Variants in TMEM109 observed in about 807,000 individuals in gnomAD.
TMEM109 encodes the protein voltage-gated monoatomic cation channel TMEM109.
In TMEM109, 19 loss-of-function variants were observed where a neutral mutation model predicts 26.4. That is an observed-to-expected ratio of 0.72 (90% confidence interval 0.50 to 1.06). The LOEUF (loss-of-function observed/expected upper bound fraction) is 1.06. Ranked by LOEUF, TMEM109 falls within the 50% of genes least tolerant of loss-of-function variation. TMEM109 has a pLI of 0.00. For missense variants in TMEM109, 262 were observed against 303.4 expected (o/e 0.86, Z 1.01); for synonymous variants, 129 against 142.0 (o/e 0.91, Z 0.65).
intron 1 of TMEM109, among the ~76,000 whole-genome samples, chr11:60,915,534 G>A (rs1387644580): frequency 1.3e-5 from 2 of 152,214 alleles, no homozygotes; most frequent in Non-Finnish European, 2.9e-5. Flanking sequence ...AGCCCTGGGT[G>A]GGGCAGACGT....
At position 60,919,919 on chromosome 11, in the gene TMEM109, C is replaced by G. The variant is rs761153217; in HGVS notation, c.226C>G (p.Leu76Val). The G allele has an allele frequency of 6.2e-7, 1 of 1,613,944 alleles. No individual in the cohort carries two copies. Among genetic ancestry groups the G allele is most frequent in the Non-Finnish European group, 8.5e-7 (1 of 1,179,816 alleles). The part of the protein sequence containing the change: ...DAWIGPETMH[L>V]VSESSSQVLW... The stretch of plus-strand genomic sequence containing the variant: ...CTGGATTGGGCCAGAGACCATGCAC[C>G]TGGTGTCAGAGGTAAGGAAGGTAGT... The change falls in exon 2 of 4, where the codon CTG becomes GTG. Residue 76 changes from leucine (L) to valine (V), a missense_variant. By Grantham distance (32) the Leu-to-Val change is conservative. Transcript: ENST00000227525.
rs537647180 is a variant in TMEM109, at chr11:60,919,850, G to T, written c.157G>T (p.Val53Phe). ...GQQKREAPVD[V>F]LTQIGRSVRG... ...ACAGAAGAGAGAAGCCCCAGTTGAT[G>T]TCTTGACCCAGATAGGTCGATCTGT... Residue 53 changes from valine to phenylalanine, a missense_variant, in exon 2 of 4, where the codon GTC (valine) becomes TTC (phenylalanine). Val to Phe is a conservative substitution (Grantham distance 50, BLOSUM62 -1). Coordinates refer to ENST00000227525, the MANE Select transcript of TMEM109 (RefSeq NM_024092.3). 1.1e-5 allele frequency: 18 copies of T among 1,614,222 alleles called. No individual in the cohort carries two copies. The South Asian group carries it at 1.9e-4, about 17-fold the overall frequency.
At chr11:60,917,839 T>C (rs941676285) in intron 1 of TMEM109, among the ~76,000 whole-genome samples, 1 of 151,794 alleles carries the variant, frequency 6.6e-6, no homozygotes, top group Non-Finnish European at 1.5e-5. Context: ...TATTTATATT[T>C]ATTTTGTAGA....
chr11:60,921,164 C>T (rs138815593), intron 3 of TMEM109, among the ~76,000 whole-genome samples, 176 bp downstream of exon 3: 43 of 152,320 alleles, frequency 2.8e-4, no homozygotes, highest in African/African-American at 9.6e-4. Flanking sequence ...TGTGGTGGCT[C>T]CCGCCTGTAA....
intron 1 of TMEM109, among the ~76,000 whole-genome samples, chr11:60,915,267 A>G (rs572597487): frequency 1.3e-5 from 2 of 152,158 alleles, no homozygotes; most frequent in East Asian, 3.9e-4. Flanking sequence ...CCTTACAGCA[A>G]CTCTTCACCT....
At position 60,922,653 on chromosome 11, in the gene TMEM109, C is replaced by A. The variant is rs1044765; in HGVS notation, c.*488C>A. The A allele has an allele frequency of 0.021, 6,874 of 331,956 alleles. 369 individuals are homozygous for A. Among genetic ancestry groups the A allele is most frequent in the African/African-American group, 0.13 (5,874 of 46,504 alleles). 20.6% of individuals were successfully genotyped at this position (331,956 alleles called of 1,614,324 possible). A position where few individuals can be genotyped will look rare whatever the true frequency, so the allele number is the denominator to read the frequency against. ...CCCACCAAACCATGGTCCTTTAAGG[C>A]ACGCTCCTGTCCTCCTCATTGCCCA... On this transcript the variant is annotated 3_prime_UTR_variant, in exon 4 of 4. Coordinates refer to ENST00000227525, the MANE Select transcript of TMEM109 (RefSeq NM_024092.3).
rs897863515 is a variant in TMEM109, at chr11:60,920,884, A to G, written c.238-2A>G. 2 of 1,613,680 alleles carry G rather than the reference A, an allele frequency of 1.2e-6. No individual in the cohort carries two copies. The highest frequency in any genetic ancestry group is 1.7e-6 in the Non-Finnish European group (2 of 1,179,616). On this transcript the variant is annotated splice_acceptor_variant, in intron 2 of 3. Coordinates refer to ENST00000227525, the MANE Select transcript of TMEM109 (RefSeq NM_024092.3). LOFTEE classifies it high-confidence loss of function. The stretch of plus-strand genomic sequence containing the variant: ...TCATCTCGCTCCGTGCTCTTTCCAC[A>G]GTCTTCGTCCCAAGTGTTGTGGGCC...
At position 60,919,833 on chromosome 11, in the gene TMEM109, G is replaced by C; in HGVS notation, c.140G>C (p.Arg47Thr). The change falls in exon 2 of 4, where the codon AGA becomes ACA. Residue 47 changes from arginine (R) to threonine (T), a missense_variant. Arg to Thr is a moderately conservative substitution (Grantham distance 71). Transcript: ENST00000227525. ...TTTGCACCACCAGGCCAACAGAAGA[G>C]AGAAGCCCCAGTTGATGTCTTGACC... The part of the protein sequence containing the change: ...RDFAPPGQQK[R>T]EAPVDVLTQI... The C allele has an allele frequency of 1.2e-6, 2 of 1,614,232 alleles. No individual in the cohort carries two copies. The highest frequency in any genetic ancestry group is 1.7e-6 in the Non-Finnish European group (2 of 1,180,034).
Position 60,922,642 on chromosome 11 carries a change from G to C in TMEM109, c.*477G>C, listed in dbSNP as rs960244439. On this transcript the variant is annotated 3_prime_UTR_variant, in exon 4 of 4. Transcript: ENST00000227525. ...TACCCTGTACTCCCACCAAACCATG[G>C]TCCTTTAAGGCACGCTCCTGTCCTC... The C allele has an allele frequency of 3.0e-6, 1 of 334,094 alleles. No homozygotes were observed. The highest frequency in any genetic ancestry group is 5.9e-6 in the Non-Finnish European group (1 of 168,368). The allele number at this position is 334,094 out of a possible 1,614,324, so 20.7% of individuals were successfully genotyped here.
intron 1 of TMEM109, chr11:60,918,947 AG>A (rs1856202650): frequency 6.6e-6 from 1 of 152,442 alleles, no homozygotes; most frequent in Non-Finnish European, 1.5e-5. Flanking sequence ...GGAAGCTTCC[AG>A]GTGATTCCAG....
At chr11:60,919,587 G>T in intron 1 of TMEM109, 99 bp from the exon 2 acceptor site, 2 of 1,002,570 alleles carry the variant, frequency 2.0e-6, no homozygotes. Flanking sequence ...TTTGGTGCTT[G>T]CTTGGGGTAG....
chr11:60,919,145 A>T (rs898939723), intron 1 of TMEM109: 1 of 159,654 alleles, frequency 6.3e-6, no homozygotes, highest in East Asian at 1.8e-4. Context: ...GCCACCTCAC[A>T]TGATGGTCCT....
At chr11:60,919,490 C>A (rs1211226660) in intron 1 of TMEM109, among the ~76,000 whole-genome samples, 196 bp from the exon 2 acceptor site, 2 of 152,190 alleles carry the variant, frequency 1.3e-5, no homozygotes, top group East Asian at 1.9e-4. Flanking sequence ...GAAAGAGGAA[C>A]CTGTGAGTCA....
intron 1 of TMEM109, among the ~76,000 whole-genome samples, chr11:60,917,682 G>A (rs1288260356): frequency 5.9e-5 from 9 of 151,512 alleles, no homozygotes; most frequent in South Asian, 2.1e-4. Flanking sequence ...TTTTTTAAGC[G>A]TCTTGCTCTC....
intron 2 of TMEM109, 78 bp from the exon 3 acceptor site, chr11:60,920,808 C>T: frequency 7.9e-7 from 1 of 1,261,128 alleles, no homozygotes; most frequent in South Asian, 1.2e-5. Flanking sequence ...CAGTTCTTGC[C>T]TGGACAGTGG....
At chr11:60,921,717 G>C (rs547201895) in intron 3 of TMEM109, 57 bp from the exon 4 acceptor site, 1 of 1,415,220 alleles carries the variant, frequency 7.1e-7, no homozygotes, top group Non-Finnish European at 9.8e-7. Flanking sequence ...CTCTTGCCCC[G>C]CTCTCCCCTC....
At chr11:60,915,219 T>G (rs1856160527) in intron 1 of TMEM109, among the ~76,000 whole-genome samples, 1 of 152,236 alleles carries the variant, frequency 6.6e-6, no homozygotes. Flanking sequence ...CTATAGATGT[T>G]TAGTTTACAA....
intron 3 of TMEM109, 141 bp downstream of exon 3, chr11:60,921,129 C>T: frequency 1.4e-6 from 1 of 725,770 alleles, no homozygotes; most frequent in South Asian, 1.7e-5. Context: ...GGCCAAAGAG[C>T]AAGCCAAGAA....
chr11:60,921,814 G>A lies in TMEM109; in HGVS notation c.381G>A (p.Gln127=). The A allele has an allele frequency of 6.2e-7, 1 of 1,613,860 alleles. No homozygotes were observed. The highest frequency in any genetic ancestry group is 1.1e-5 in the South Asian group (1 of 91,084). The change falls in exon 4 of 4, where the codon CAG becomes CAA. Residue 127 remains glutamine, a synonymous_variant. Transcript: ENST00000227525. The part of the protein sequence containing the change: ...LAQGLKLSPG[Q]VQTFLLWGAG... ...AGGGCCTGAAGCTCAGCCCTGGCCA[G>A]GTCCAGACCTTCCTGCTGTGGGGAG...
Sources: allele counts gnomAD v4.1 joint callset (sites outside exome capture counted in the v4.1 genomes callset), GRCh38; gene constraint gnomAD v4.1.1; transcripts MANE v1.5; gene names NCBI Gene and HGNC (gene_info 2026-07-23, HGNC 2026-07-21).